The following VAC14 variants were observed in gnomAD, a reference collection of about 807,000 sequenced individuals.
VAC14 encodes the protein protein VAC14 homolog.
Under a neutral mutation model 85.3 loss-of-function variants are expected in VAC14, and 47 were observed. That is an observed-to-expected ratio of 0.55 (90% confidence interval 0.44 to 0.70). VAC14 has a LOEUF of 0.70. VAC14 is among the 30% of genes least tolerant of loss of function. VAC14 has a pLI of 0.00. For synonymous variants in VAC14, 447 were observed against 430.5 expected (o/e 1.04, Z -0.47); for missense variants, 861 against 1,004.3 (o/e 0.86, Z 1.93).
chr16:70,792,651 C>T (rs754702131), intron 1 of VAC14, among the ~76,000 whole-genome samples: 2 of 152,214 alleles, frequency 1.3e-5, no homozygotes, highest in Non-Finnish European at 2.9e-5. Context: ...AAGACTGCCA[C>T]ACTGACTACC....
At chr16:70,777,082 C>T (rs1260164068) in intron 9 of VAC14, among the ~76,000 whole-genome samples, 1 of 151,712 alleles carries the variant, frequency 6.6e-6, no homozygotes, top group East Asian at 1.9e-4. Context: ...GCTGGGATTA[C>T]AGGTGTGAGC....
chr16:70,762,702 C>T lies in VAC14; in HGVS notation c.1306-97G>A. 1 of 1,494,448 alleles carries T rather than the reference C, an allele frequency of 6.7e-7. No homozygotes were observed. The highest frequency in any genetic ancestry group is 9.2e-7 in the Non-Finnish European group (1 of 1,086,216). The allele number at this position is 1,494,448 out of a possible 1,614,324, so 92.6% of individuals were successfully genotyped here. ...CGCTGGTGTGCACGGACCCACTGGT[C>T]TGCACGGACCACTTCCCTCCCCGAC... On this transcript the variant is annotated intron_variant, in intron 11 of 18. Transcript: ENST00000261776. This position sits in a 1 kb window ranked among gnomAD's most constrained non-coding sequence, Gnocchi z 4.1.
chr16:70,755,864 C>T (rs964638073), intron 12 of VAC14: 17 of 371,582 alleles, frequency 4.6e-5, no homozygotes, highest in South Asian at 1.8e-4. Context: ...CTTTGGGGGA[C>T]GGGAGAGAGC....
intron 18 of VAC14, among the ~76,000 whole-genome samples, chr16:70,692,273 G>T (rs1027599401): frequency 4.0e-5 from 6 of 151,640 alleles, no homozygotes; most frequent in Non-Finnish European, 8.8e-5. Flanking sequence ...CTGAGCAGGG[G>T]AGCCTTGAGT....
intron 10 of VAC14, among the ~76,000 whole-genome samples, chr16:70,765,381 G>T: frequency 6.6e-6 from 1 of 152,302 alleles, no homozygotes; most frequent in South Asian, 2.1e-4. Flanking sequence ...AGGATCAGTG[G>T]TGTGTCTGAG....
chr16:70,778,775 T>C (rs2033654115), intron 9 of VAC14: 1 of 152,210 alleles, frequency 6.6e-6, no homozygotes, highest in Non-Finnish European at 1.5e-5. Flanking sequence ...ACATCAAAAT[T>C]TGAACATTCA....
chr16:70,734,899 G>A (rs1263583847), intron 13 of VAC14, among the ~76,000 whole-genome samples: 1 of 152,180 alleles, frequency 6.6e-6, no homozygotes, highest in Non-Finnish European at 1.5e-5. Context: ...CATAGCTGGC[G>A]AGTGCTAGAG....
chr16:70,691,687 G>A (rs2053599176), intron 18 of VAC14: 3 of 985,322 alleles, frequency 3.0e-6, no homozygotes, highest in South Asian at 4.7e-5. Flanking sequence ...GGGAAGGCAC[G>A]AGCCGGTCTT....
intron 9 of VAC14, among the ~76,000 whole-genome samples, chr16:70,773,625 T>A (rs3907715): frequency 1.5e-3 from 235 of 152,222 alleles, no homozygotes; most frequent in African/African-American, 5.4e-3. Flanking sequence ...AATTCCAGAC[T>A]CCTGATACTA....
intron 10 of VAC14, 21 bp downstream of exon 10, chr16:70,772,087 CT>C: frequency 6.2e-7 from 1 of 1,612,886 alleles, no homozygotes; most frequent in Non-Finnish European, 8.5e-7. Flanking sequence ...CACAAACCTT[CT>C]GGCTGAAACA....
chr16:70,795,483 G>A (rs1399408047), intron 1 of VAC14, among the ~76,000 whole-genome samples: 10 of 140,816 alleles, frequency 7.1e-5, no homozygotes, highest in South Asian at 2.3e-4. Flanking sequence ...GCGACAGAGC[G>A]AGACTCTGTC....
At chr16:70,697,995 C>G (rs1461860511) in intron 15 of VAC14, among the ~76,000 whole-genome samples, 1 of 152,092 alleles carries the variant, frequency 6.6e-6, no homozygotes, top group Non-Finnish European at 1.5e-5. Flanking sequence ...ACCACCCCAG[C>G]CGGGACACGA....
Position 70,755,687 on chromosome 16 carries a change from C to T in VAC14, c.1371+6853G>A, listed in dbSNP as rs116245403. ...TCCTCCTAGTCTCCTCCCACTGATACGAGGGGTTGACACATGACCCACCAC... is the reference window on the plus strand; with the variant it reads ...TCCTCCTAGTCTCCTCCCACTGATATGAGGGGTTGACACATGACCCACCAC... On this transcript the variant is annotated intron_variant, in intron 12 of 18. Coordinates refer to ENST00000261776, the MANE Select transcript of VAC14 (RefSeq NM_018052.5). 4.0e-3 allele frequency among the ~76,000 whole-genome samples: 606 copies of T among 152,316 alleles called. 2 individuals carry two copies. The highest frequency in any genetic ancestry group is 0.014 in the African/African-American group (585 of 41,568).
At chr16:70,719,363 GA>G (rs1324173213) in intron 14 of VAC14, among the ~76,000 whole-genome samples, 1 of 152,076 alleles carries the variant, frequency 6.6e-6, no homozygotes, top group African/African-American at 2.4e-5. Flanking sequence ...TAACTGTAAA[GA>G]AAAATTGATT....
intron 1 of VAC14, among the ~76,000 whole-genome samples, chr16:70,794,653 A>G (rs1366546794): frequency 6.6e-6 from 1 of 152,236 alleles, no homozygotes; most frequent in African/African-American, 2.4e-5. Flanking sequence ...TAATCCAGAA[A>G]CCTGAATTTC....
At chr16:70,758,227 C>T (rs956013334) in intron 12 of VAC14, among the ~76,000 whole-genome samples, 8 of 152,210 alleles carry the variant, frequency 5.3e-5, no homozygotes, top group African/African-American at 4.8e-5. Flanking sequence ...ATACTTGTAA[C>T]GACAGACAGG....
chr16:70,783,539 A>T lies in VAC14; in HGVS notation c.610T>A (p.Ser204Thr), dbSNP rs2033912551. Residue 204 changes from serine (S) to threonine (T), a missense_variant, in exon 6 of 19, where the codon TCG becomes ACG. By Grantham distance (58) the Ser-to-Thr change is moderately conservative. This residue lies in a region of VAC14 where 629 missense variants were observed against 703.1 expected (regional missense o/e 0.89). Transcript: ENST00000261776. ...FIISWILVLE[S>T]VPDINLLDYL... Reference sequence around the variant, plus strand: ...TCCAGCAGGTTAATGTCTGGCACCGACTCCAGAACCAGGATCTGACCAGGG... The same window carrying T: ...TCCAGCAGGTTAATGTCTGGCACCGTCTCCAGAACCAGGATCTGACCAGGG... The T allele has an allele frequency of 6.2e-7, 1 of 1,613,384 alleles. No individual in the cohort carries two copies. Among genetic ancestry groups the T allele is most frequent in the Non-Finnish European group, 8.5e-7 (1 of 1,179,950 alleles).
intron 1 of VAC14, among the ~76,000 whole-genome samples, chr16:70,793,565 C>A (rs561066220): frequency 6.6e-6 from 1 of 152,302 alleles, no homozygotes; most frequent in Non-Finnish European, 1.5e-5. Flanking sequence ...CAGCTGGGTG[C>A]CCACTGTGTG....
In VAC14 at chr16:70,749,183, T is replaced by C. The variant is rs538783900; in HGVS notation, c.1372-4604A>G. On this transcript the variant is annotated intron_variant, in intron 12 of 18. Transcript: ENST00000261776. Reference sequence around the variant, plus strand: ...AAGATTTCTGGTCCCACAGCTGAGCTGTTCCCTGGCCCAGGCTTAGTGACT... The same window carrying C: ...AAGATTTCTGGTCCCACAGCTGAGCCGTTCCCTGGCCCAGGCTTAGTGACT... Among the ~76,000 whole-genome samples the C allele has an allele frequency of 2.1e-4, 32 of 152,320 alleles. No individual in the cohort carries two copies. The South Asian group carries it at 5.8e-3, about 28-fold the overall frequency.
Sources: allele counts gnomAD v4.1 joint callset (sites outside exome capture counted in the v4.1 genomes callset), GRCh38; gene constraint gnomAD v4.1.1; regional missense constraint gnomAD v4.1.1; non-coding constraint Gnocchi (gnomAD v3.1); transcripts MANE v1.5; gene names NCBI Gene and HGNC (gene_info 2026-07-23, HGNC 2026-07-21).